The following SEMA4D variants were observed in gnomAD, a reference collection of about 807,000 sequenced individuals.
The protein encoded by SEMA4D is semaphorin 4D, also known as semaphorin-4D.
Under a neutral mutation model 74.8 loss-of-function variants are expected in SEMA4D, and 22 were observed. The ratio of observed to expected loss-of-function variants is 0.29; its 90% confidence interval spans 0.21 to 0.42. SEMA4D has a LOEUF of 0.42. Among genes scored for constraint, SEMA4D ranks in the 10% least tolerant of loss-of-function variants. SEMA4D has a pLI of 1.00. For synonymous variants in SEMA4D, 445 were observed against 463.7 expected (o/e 0.96, Z 0.52); for missense variants, 937 against 1,118.4 (o/e 0.84, Z 2.31).
chr9:89,428,971 AAGAC>A (rs2134526482), intron 2 of SEMA4D, among the ~76,000 whole-genome samples: 1 of 152,288 alleles, frequency 6.6e-6, no homozygotes, highest in East Asian at 1.9e-4. Flanking sequence ...AGAGGTCCAG[AAGAC>A]AGACAGGATG....
intron 2 of SEMA4D, among the ~76,000 whole-genome samples, chr9:89,431,489 TTTCCCTAGA>T (rs1300648159): frequency 6.6e-6 from 1 of 152,186 alleles, no homozygotes; most frequent in African/African-American, 2.4e-5. Flanking sequence ...ACAAGAGCAG[TTTCCCTAGA>T]TTCTCTTTTG....
intron 6 of SEMA4D, among the ~76,000 whole-genome samples, chr9:89,395,799 C>T (rs1006884447): frequency 2.0e-5 from 3 of 152,134 alleles, no homozygotes; most frequent in African/African-American, 7.2e-5. Flanking sequence ...TCTAATGAGG[C>T]CATACGTTGT....
At chr9:89,441,120 G>A (rs1316688906) in intron 2 of SEMA4D, among the ~76,000 whole-genome samples, 8 of 152,298 alleles carry the variant, frequency 5.3e-5, no homozygotes, top group Non-Finnish European at 1.0e-4. Flanking sequence ...CCTCTGCTGC[G>A]TCCACTGATC....
At chr9:89,436,843 G>A (rs115714863) in intron 2 of SEMA4D, among the ~76,000 whole-genome samples, 152 of 152,362 alleles carry the variant, frequency 1.0e-3, no homozygotes, top group African/African-American at 3.5e-3. Flanking sequence ...GGACCCTGCA[G>A]GCCTGGCCAC....
At chr9:89,439,701 C>T (rs1851271947) in intron 2 of SEMA4D, among the ~76,000 whole-genome samples, 2 of 152,174 alleles carry the variant, frequency 1.3e-5, no homozygotes, top group Non-Finnish European at 2.9e-5. Context: ...TAAAGATCAT[C>T]GCAGCTGGCC....
At chr9:89,406,829 C>T (rs1408821992) in intron 2 of SEMA4D, among the ~76,000 whole-genome samples, 1 of 152,176 alleles carries the variant, frequency 6.6e-6, no homozygotes, top group Admixed American at 6.5e-5. Flanking sequence ...CTCCACATGC[C>T]GCCTTCCACA....
chr9:89,409,587 A>G (rs1844071880), intron 2 of SEMA4D, among the ~76,000 whole-genome samples: 1 of 152,192 alleles, frequency 6.6e-6, no homozygotes, highest in African/African-American at 2.4e-5. Context: ...GTCTATTAAA[A>G]TCAGTAACAA....
At chr9:89,400,107 C>T (rs1266696220) in intron 4 of SEMA4D, among the ~76,000 whole-genome samples, 1 of 151,294 alleles carries the variant, frequency 6.6e-6, no homozygotes, top group African/African-American at 2.4e-5. Flanking sequence ...TTTACGATTC[C>T]TTAAACTTGC....
chr9:89,370,740 T>TGTGTGGG (rs1007720308), intron 16 of SEMA4D, among the ~76,000 whole-genome samples: 34 of 142,440 alleles, frequency 2.4e-4, no homozygotes, highest in African/African-American at 6.7e-4. Flanking sequence ...GTGTGGTGTG[T>TGTGTGGG]GTGTGGGGTG....
At position 89,450,660 on chromosome 9, in the gene SEMA4D, G is replaced by GGAAAAAAAAAAA. The variant is rs1491451024; in HGVS notation, c.-244+5227_-244+5228insTTTTTTTTTTTC. ...GAGTTCTGCAAGTCGAAAAACCCAG[G>GGAAAAAAAAAAA]AAAAAAAAAAAAAAAAAAAAAAAAA... On this transcript the variant is annotated intron_variant, in intron 2 of 15. Coordinates refer to ENST00000422704, the MANE Select transcript of SEMA4D (RefSeq NM_001371194.2). 376 of 430,326 alleles carry GGAAAAAAAAAAA rather than the reference G, an allele frequency of 8.7e-4. 44 individuals are homozygous for GGAAAAAAAAAAA. Among genetic ancestry groups the GGAAAAAAAAAAA allele is most frequent in the Non-Finnish European group, 1.0e-3 (287 of 279,158 alleles). 26.7% of individuals were successfully genotyped at this position (430,326 alleles called of 1,614,324 possible).
intron 2 of SEMA4D, among the ~76,000 whole-genome samples, chr9:89,444,698 A>C (rs562432144): frequency 2.6e-5 from 4 of 152,116 alleles, no homozygotes; most frequent in African/African-American, 4.8e-5. Context: ...CAAAACAAGA[A>C]AACTCCTGCC....
chr9:89,404,042 T>C (rs1332964911), intron 3 of SEMA4D, among the ~76,000 whole-genome samples: 3 of 152,212 alleles, frequency 2.0e-5, no homozygotes, highest in Non-Finnish European at 4.4e-5. Context: ...ATGGCCTATA[T>C]TGCTGACAGC....
intron 1 of SEMA4D, among the ~76,000 whole-genome samples, chr9:89,470,065 G>A (rs1352480668): frequency 6.6e-6 from 1 of 152,184 alleles, no homozygotes; most frequent in Non-Finnish European, 1.5e-5. Flanking sequence ...AGTCAAGAGG[G>A]TCCAAGATCA....
chr9:89,476,289 T>A (rs1234923359), intron 1 of SEMA4D, among the ~76,000 whole-genome samples: 2 of 152,182 alleles, frequency 1.3e-5, no homozygotes, highest in East Asian at 3.8e-4. Flanking sequence ...TTATAAAACA[T>A]AGCATGCCAC....
intron 1 of SEMA4D, among the ~76,000 whole-genome samples, chr9:89,490,290 A>G (rs1371148445): frequency 6.6e-6 from 1 of 152,264 alleles, no homozygotes; most frequent in East Asian, 1.9e-4. Context: ...AGCAATAAAA[A>G]GACATCAAGT....
chr9:89,449,764 AGAT>A, intron 2 of SEMA4D: 2 of 1,514,018 alleles, frequency 1.3e-6, no homozygotes, highest in Non-Finnish European at 1.8e-6. Context: ...AAAGAAAAAG[AGAT>A]GAAGAAACGT....
At chr9:89,397,880 C>T (rs73484049) in intron 5 of SEMA4D, among the ~76,000 whole-genome samples, 54 of 152,294 alleles carry the variant, frequency 3.5e-4, no homozygotes, top group African/African-American at 1.0e-3. Context: ...CATGATGGCT[C>T]AGAGGGTGAT....
At chr9:89,479,331 A>G (rs1460552430) in intron 1 of SEMA4D, among the ~76,000 whole-genome samples, 1 of 152,216 alleles carries the variant, frequency 6.6e-6, no homozygotes, top group African/African-American at 2.4e-5. Flanking sequence ...ATTGGCCACC[A>G]TGTTTTAAAA....
At chr9:89,476,640 T>C (rs913657142) in intron 1 of SEMA4D, among the ~76,000 whole-genome samples, 3 of 152,132 alleles carry the variant, frequency 2.0e-5, no homozygotes, top group African/African-American at 7.2e-5. Flanking sequence ...ACTCGTGGCA[T>C]CTCCACAATC....
Sources: gnomAD v4.1 joint callset for allele counts (sites outside exome capture counted in the v4.1 genomes callset) on GRCh38, gnomAD v4.1.1 for gene constraint, MANE v1.5 for transcripts, NCBI Gene and HGNC (gene_info 2026-07-23, HGNC 2026-07-21) for gene names.